TTC39C: variants seen among roughly 807,000 people sequenced by gnomAD.
The protein encoded by TTC39C is tetratricopeptide repeat protein 39C.
Under a neutral mutation model 76.3 loss-of-function variants are expected in TTC39C, and 33 were observed. That is an observed-to-expected ratio of 0.43 (90% CI 0.33 to 0.58). The LOEUF is 0.58. Among genes scored for constraint, TTC39C ranks in the 20% least tolerant of loss-of-function variants. The pLI, the probability that TTC39C is intolerant of heterozygous loss-of-function variation, is 0.04. For missense variants in TTC39C, 595 were observed against 701.4 expected (o/e 0.85, Z 1.71); for synonymous variants, 254 against 260.6 (o/e 0.97, Z 0.24).
chr18:24,067,852 T>C (rs2084185750), intron 3 of TTC39C, among the ~76,000 whole-genome samples: 1 of 152,226 alleles, frequency 6.6e-6, no homozygotes, highest in African/African-American at 2.4e-5. Context: ...AAGTACAGAC[T>C]TCTTAATGTG....
intron 1 of TTC39C, among the ~76,000 whole-genome samples, chr18:24,005,653 C>T (rs1243300718): frequency 2.0e-5 from 3 of 151,060 alleles, no homozygotes; most frequent in Admixed American, 6.6e-5. Context: ...TAAGACCAGC[C>T]TGGGCAACAA....
intron 1 of TTC39C, among the ~76,000 whole-genome samples, chr18:24,054,053 T>C (rs2083985360): frequency 6.6e-6 from 1 of 152,174 alleles, no homozygotes; most frequent in African/African-American, 2.4e-5. Context: ...CTTATATGGA[T>C]AATATAAAAA....
At chr18:24,104,709 T>TGTGG (rs1351723113) in intron 6 of TTC39C, among the ~76,000 whole-genome samples, 2 of 151,030 alleles carry the variant, frequency 1.3e-5, no homozygotes, top group Non-Finnish European at 2.9e-5. Flanking sequence ...TGTGTGTGTG[T>TGTGG]GTGTGTGTGT....
At chr18:24,113,247 G>A (rs2084839604) in intron 6 of TTC39C, 1 of 292,208 alleles carries the variant, frequency 3.4e-6, no homozygotes, top group Admixed American at 4.7e-5. Context: ...GCTGGGCCTT[G>A]GTTAATGAGT....
intron 9 of TTC39C, 139 bp from the exon 10 acceptor site, chr18:24,125,285 GAGA>G (rs2085035060): frequency 1.8e-6 from 2 of 1,105,102 alleles, no homozygotes; most frequent in African/African-American, 1.6e-5. Context: ...TTTTTATAGA[GAGA>G]AGAATTGTTA....
At chr18:23,996,144 A>T (rs919635792) in intron 1 of TTC39C, among the ~76,000 whole-genome samples, 2 of 152,208 alleles carry the variant, frequency 1.3e-5, no homozygotes, top group Admixed American at 1.3e-4. Context: ...TTTAGTTTAC[A>T]TTTCCATCAA....
At position 24,034,589 on chromosome 18, in the gene TTC39C, T is replaced by G. The variant is rs1280803895; in HGVS notation, c.167+19551T>G. 3.9e-5 allele frequency among the ~76,000 whole-genome samples: 6 copies of G among 152,242 alleles called. 1 individual carries two copies. In the South Asian group the frequency reaches 1.0e-3, roughly 26 times the overall value. ...CATCACCAGCATCCATCTCCAGAAC[T>G]GTTTTGTCTTTCCAAATGGAAACTT... On this transcript the variant is annotated intron_variant, in intron 1 of 13. Transcript: ENST00000317571.
At position 24,113,515 on chromosome 18, in the gene TTC39C, G is replaced by A. The variant is rs972122452; in HGVS notation, c.985-1039G>A. ...AAGCATAGAGAAAGCAGCAGGAGACGCACCTGGAAGCCCAGGGGAGGGAAG... is the reference window on the plus strand; with the variant it reads ...AAGCATAGAGAAAGCAGCAGGAGACACACCTGGAAGCCCAGGGGAGGGAAG... On this transcript the variant is annotated intron_variant, in intron 6 of 13. Coordinates refer to ENST00000317571, the MANE Select transcript of TTC39C (RefSeq NM_001135993.2). The A allele has an allele frequency of 2.0e-5, 14 of 694,438 alleles. 1 individual carries two copies. The highest frequency in any genetic ancestry group is 2.7e-5 in the East Asian group (1 of 37,152). The allele number at this position is 694,438 out of a possible 1,614,324, so 43.0% of individuals were successfully genotyped here.
intron 8 of TTC39C, among the ~76,000 whole-genome samples, chr18:24,123,285 A>G (rs1263217967): frequency 6.6e-6 from 1 of 152,226 alleles, no homozygotes; most frequent in Non-Finnish European, 1.5e-5. Flanking sequence ...GACAAGGACC[A>G]TGGCTTTCCC....
intron 4 of TTC39C, among the ~76,000 whole-genome samples, chr18:24,073,798 G>A (rs2084270614): frequency 6.6e-6 from 1 of 152,202 alleles, no homozygotes; most frequent in South Asian, 2.1e-4. Flanking sequence ...GGGATTACAG[G>A]TGTGAGCCAC....
intron 1 of TTC39C, among the ~76,000 whole-genome samples, chr18:24,039,501 CTT>C (rs1198129402): frequency 1.3e-5 from 2 of 152,172 alleles, no homozygotes; most frequent in African/African-American, 4.8e-5. Flanking sequence ...TTTGTTTTGT[CTT>C]GTTTTGTTTG....
At chr18:24,068,143 G>A (rs2084191165) in intron 3 of TTC39C, among the ~76,000 whole-genome samples, 1 of 152,186 alleles carries the variant, frequency 6.6e-6, no homozygotes, top group Non-Finnish European at 1.5e-5. Flanking sequence ...TCTAGCACCT[G>A]TGTTAATAAT....
chr18:24,037,399 G>A (rs2083745045), intron 1 of TTC39C, among the ~76,000 whole-genome samples: 1 of 152,136 alleles, frequency 6.6e-6, no homozygotes, highest in African/African-American at 2.4e-5. Context: ...CCTAATGTCT[G>A]GCATGTAGTA....
At chr18:24,022,358 C>A (rs965408271) in intron 1 of TTC39C, among the ~76,000 whole-genome samples, 6 of 152,028 alleles carry the variant, frequency 3.9e-5, no homozygotes, top group African/African-American at 1.4e-4. Flanking sequence ...TGTTTAATTC[C>A]CCTGCCAGCT....
chr18:24,028,869 C>T (rs4800534), intron 1 of TTC39C, among the ~76,000 whole-genome samples: 144,879 of 151,726 alleles, frequency 0.95, 69,405 homozygotes, highest in East Asian at 1. Context: ...ACTACAGGCA[C>T]ATGCCACCAC....
intron 2 of TTC39C, 26 bp from the exon 3 acceptor site, chr18:24,065,986 T>C (rs1250969695): frequency 3.3e-6 from 5 of 1,528,320 alleles, no homozygotes; most frequent in Non-Finnish European, 4.4e-6. Context: ...AATTCATTCA[T>C]TCATTCATTC....
chr18:24,119,794 T>A (rs1273761159), intron 8 of TTC39C, among the ~76,000 whole-genome samples: 1 of 152,122 alleles, frequency 6.6e-6, no homozygotes, highest in African/African-American at 2.4e-5. Flanking sequence ...CGTTGAAGAG[T>A]GGATGAATCC....
chr18:24,042,723 T>C (rs928662294), intron 1 of TTC39C, among the ~76,000 whole-genome samples: 1 of 152,356 alleles, frequency 6.6e-6, no homozygotes. Flanking sequence ...CAGGGGCTTA[T>C]AGTTTTCTGT....
intron 10 of TTC39C, among the ~76,000 whole-genome samples, chr18:24,126,426 T>A (rs1292722986): frequency 9.1e-6 from 1 of 110,042 alleles, no homozygotes; most frequent in African/African-American, 3.4e-5. Context: ...CCTATTTCTT[T>A]AAAAAAAAAA....
Sources: allele counts gnomAD v4.1 joint callset (sites outside exome capture counted in the v4.1 genomes callset), GRCh38; gene constraint gnomAD v4.1.1; transcripts MANE v1.5; gene names NCBI Gene and HGNC (gene_info 2026-07-23, HGNC 2026-07-21).